The following TTC4 variants were observed in gnomAD, a reference collection of about 807,000 sequenced individuals.
TTC4 encodes the protein tetratricopeptide repeat domain 4.
TTC4 carries 36 observed loss-of-function variants against 51.9 expected under a neutral mutation model. The ratio of observed to expected loss-of-function variants is 0.69; its 90% CI spans 0.53 to 0.92. The LOEUF (loss-of-function observed/expected upper bound fraction) is 0.92, where lower values mean the gene tolerates loss of function less well. Ranked by LOEUF, TTC4 falls within the 40% of genes least tolerant of loss-of-function variation. TTC4 has a pLI of 0.00. For missense variants in TTC4, 399 were observed against 454.6 expected (o/e 0.88, Z 1.11); for synonymous variants, 144 against 164.2 (o/e 0.88, Z 0.94).
At chr1:54,741,379 T>A (rs72911732) in intron 9 of TTC4, 32 bp from the exon 10 acceptor site, 143 of 1,560,548 alleles carry the variant, frequency 9.2e-5, no homozygotes, top group Non-Finnish European at 1.2e-4. Context: ...GTAATTAAAT[T>A]AACACCCTCT....
chr1:54,737,423 CG>C (rs945310298), intron 8 of TTC4, 158 bp from the exon 9 acceptor site: 35 of 586,758 alleles, frequency 6.0e-5, no homozygotes, highest in Non-Finnish European at 9.1e-5. Context: ...AGTGGCATGG[CG>C]GGGGGGTACT....
chr1:54,736,281 C>T (rs1645940676), intron 8 of TTC4, among the ~76,000 whole-genome samples: 1 of 54,390 alleles, frequency 1.8e-5, no homozygotes, highest in East Asian at 5.5e-4. Flanking sequence ...ACCATGAAGT[C>T]TCATTGGTAT....
rs1026013209 is a variant in TTC4 at position 54,737,489 on chromosome 1, C to A, written c.979-93C>A. On this transcript the variant is annotated intron_variant, in intron 8 of 9. Transcript: ENST00000371281. Reference sequence around the variant, plus strand: ...ATAAAGGAGGCATTCAACTACTAACCGTTGCCATCTTTTTAATTTTCCCTG... The same window carrying A: ...ATAAAGGAGGCATTCAACTACTAACAGTTGCCATCTTTTTAATTTTCCCTG... The A allele has an allele frequency of 3.5e-6, 4 of 1,152,916 alleles. No individual in the cohort carries two copies. In the African/African-American group the frequency reaches 4.6e-5, roughly 13 times the overall value. The allele number at this position is 1,152,916 out of a possible 1,614,324, so 71.4% of individuals were successfully genotyped here.
chr1:54,741,492 A>G lies in TTC4; in HGVS notation c.1143A>G (p.Arg381=). Residue 381 remains arginine (R), a synonymous_variant, in exon 10 of 10, where the codon AGA becomes AGG. Transcript: ENST00000371281. ...SPFCKNFLRG[R]KVYQIR ...TTTGCAAGAATTTTCTCCGGGGGAG[A>G]AAGGTGTACCAGATACGATGACTAA... 1 of 1,613,984 alleles carries G rather than the reference A, an allele frequency of 6.2e-7. No homozygotes were observed. Among genetic ancestry groups the G allele is most frequent in the Non-Finnish European group, 8.5e-7 (1 of 1,179,980 alleles).
intron 9 of TTC4, 49 bp downstream of exon 9, chr1:54,737,713 T>C (rs1489657112): frequency 6.4e-7 from 1 of 1,558,622 alleles, no homozygotes; most frequent in Admixed American, 1.8e-5. Flanking sequence ...GCTCAGTGTA[T>C]TAGTCCATTT....
At chr1:54,733,747 ATTTTTTTTTT>A (rs371403281) in intron 8 of TTC4, 37 bp downstream of exon 8, 22,120 of 791,078 alleles carry the variant, frequency 0.028, 69 homozygotes, top group East Asian at 0.06. Context: ...TATGGAATTA[ATTTTTTTTTT>A]TTTTTTTTTT....
At chr1:54,733,746 AATTTTTTTTTTTT>A (rs758873016) in intron 8 of TTC4, 36 bp downstream of exon 8, 113 of 1,078,728 alleles carry the variant, frequency 1.0e-4, no homozygotes, top group African/African-American at 7.9e-4. Context: ...CTATGGAATT[AATTTTTTTTTTTT>A]TTTTTTTTTT....
intron 8 of TTC4, among the ~76,000 whole-genome samples, chr1:54,735,403 T>C (rs1196455288): frequency 6.6e-6 from 1 of 152,128 alleles, no homozygotes; most frequent in Non-Finnish European, 1.5e-5. Context: ...GTATTTTTAA[T>C]AGAGATGGGG....
intron 7 of TTC4, 72 bp downstream of exon 7, chr1:54,731,772 T>C: frequency 2.1e-6 from 3 of 1,455,972 alleles, no homozygotes; most frequent in Admixed American, 4.0e-5. Flanking sequence ...GAGGGACGAG[T>C]GGATTTTTGG....
At chr1:54,718,412 A>G (rs763318011) in intron 3 of TTC4, among the ~76,000 whole-genome samples, 12 of 152,082 alleles carry the variant, frequency 7.9e-5, no homozygotes, top group Admixed American at 2.6e-4. Flanking sequence ...CATATTTTTT[A>G]CTTTATTACA....
At chr1:54,732,179 A>G (rs767041603) in intron 7 of TTC4, among the ~76,000 whole-genome samples, 2 of 151,886 alleles carry the variant, frequency 1.3e-5, no homozygotes, top group Non-Finnish European at 2.9e-5. Flanking sequence ...TAAAAATACA[A>G]AAAATTAGCT....
At chr1:54,721,494 C>G (rs3820105) in intron 4 of TTC4, among the ~76,000 whole-genome samples, 14,049 of 152,054 alleles carry the variant, frequency 0.092, 915 homozygotes, top group South Asian at 0.19. Flanking sequence ...GTTGCAAAGC[C>G]ATATTCTGAT....
At chr1:54,736,155 AAGAG>A (rs1168065764) in intron 8 of TTC4, among the ~76,000 whole-genome samples, 22 of 129,608 alleles carry the variant, frequency 1.7e-4, no homozygotes, top group African/African-American at 2.2e-4. Flanking sequence ...TTGGGGGAGA[AAGAG>A]AGAGAAAGAA....
chr1:54,726,154 T>A (rs1456451911), intron 5 of TTC4, among the ~76,000 whole-genome samples: 1 of 152,164 alleles, frequency 6.6e-6, no homozygotes, highest in Non-Finnish European at 1.5e-5. Context: ...AAGTGATCTC[T>A]ACCTAAACAC....
chr1:54,718,975 T>A (rs1645709730), intron 3 of TTC4, among the ~76,000 whole-genome samples: 1 of 151,700 alleles, frequency 6.6e-6, no homozygotes, highest in Non-Finnish European at 1.5e-5. Flanking sequence ...TTTCTTTTTC[T>A]TTTTTACTCT....
rs1557752974 is a variant in TTC4, at chr1:54,736,224, A to T, written c.979-1358A>T. Among the ~76,000 whole-genome samples the T allele has an allele frequency of 4.4e-3, 361 of 82,478 alleles. 27 individuals are homozygous for T. The highest frequency in any genetic ancestry group is 0.019 in the African/African-American group (325 of 16,958). 54.1% of individuals were successfully genotyped at this position (82,478 alleles called of 152,430 possible). A position where few individuals can be genotyped will look rare whatever the true frequency, so the allele number is the denominator to read the frequency against. On this transcript the variant is annotated intron_variant, in intron 8 of 9. Transcript: ENST00000371281. ...AGAGAGAGAGAGAGAGAGAGAGAGA[A>T]GAGGAGAGGAGAGAGAAGAGAGGAG...
intron 3 of TTC4, among the ~76,000 whole-genome samples, chr1:54,718,931 G>A (rs1372673953): frequency 6.6e-6 from 1 of 152,036 alleles, no homozygotes; most frequent in South Asian, 2.1e-4. Flanking sequence ...GGAAACTCAT[G>A]TTTCTAGGAC....
intron 7 of TTC4, among the ~76,000 whole-genome samples, chr1:54,732,551 C>T (rs1170426857): frequency 6.6e-6 from 1 of 151,346 alleles, no homozygotes; most frequent in African/African-American, 2.4e-5. Flanking sequence ...CTCCAGCCCC[C>T]AGGCTCAGGT....
intron 3 of TTC4, among the ~76,000 whole-genome samples, chr1:54,719,663 C>G (rs1645719552): frequency 6.6e-6 from 1 of 152,130 alleles, no homozygotes; most frequent in African/African-American, 2.4e-5. Flanking sequence ...ATTTCAATAG[C>G]TAAAGTTGCA....
Sources: allele counts gnomAD v4.1 joint callset (sites outside exome capture counted in the v4.1 genomes callset), GRCh38; gene constraint gnomAD v4.1.1; transcripts MANE v1.5; gene names NCBI Gene and HGNC (gene_info 2026-07-23, HGNC 2026-07-21).